The following SPRY3 variants were observed in gnomAD, a reference collection of about 807,000 sequenced individuals.
SPRY3 encodes the protein protein sprouty homolog 3.
A neutral mutation model predicts 20.2 loss-of-function variants in SPRY3; 15 were observed. The observed-to-expected ratio is 0.74, with a 90% CI of 0.50 to 1.14. The LOEUF (loss-of-function observed/expected upper bound fraction) is 1.14, where lower values mean the gene tolerates loss of function less well. Ranked by LOEUF, SPRY3 falls within the 50% of genes most tolerant of loss-of-function variation. The pLI is 0.00. For synonymous variants in SPRY3, 143 were observed against 136.5 expected (o/e 1.05, Z -0.33); for missense variants, 364 against 363.9 (o/e 1.00, Z 0.00).
chrX:155,645,782 G>A (rs910732214), intron 1 of SPRY3, among the ~76,000 whole-genome samples: 6 of 111,927 alleles, frequency 5.4e-5, no homozygotes, highest in African/African-American at 1.6e-4. Context: ...TTAAAGGCAA[G>A]TACTCTGAGT....
At chrX:155,775,280 C>A (rs2091417186) in exon 4 of SPRY3, 1 of 169,578 alleles carries the variant, frequency 5.9e-6, no homozygotes, top group South Asian at 2.0e-4. Flanking sequence ...TTCATTCTCA[C>A]CCTGTCTGCT....
chrX:155,723,547 T>G (rs2091076666), intron 2 of SPRY3, among the ~76,000 whole-genome samples: 1 of 152,238 alleles, frequency 6.6e-6, no homozygotes, highest in Non-Finnish European at 1.5e-5. Flanking sequence ...TGATGAGCAT[T>G]TTTTCATGTG....
Position 155,721,782 on chromosome X carries a change from C to T in SPRY3, c.-281-46180C>T, listed in dbSNP as rs150505615. On this transcript the variant is annotated intron_variant, in intron 2 of 3. Transcript: ENST00000675360. The stretch of plus-strand genomic sequence containing the variant: ...AAAAACTGAGGAACTTCATCAACAC[C>T]AGACCTGTCCTAGAAGAAATGCTAA... Among the ~76,000 whole-genome samples, 1,364 of 152,162 alleles carry T rather than the reference C, an allele frequency of 9.0e-3. 1 individual carries two copies. Among genetic ancestry groups the T allele is most frequent in the South Asian group, 0.049 (234 of 4,816 alleles).
At chrX:155,716,610 T>C (rs1200155859) in intron 2 of SPRY3, among the ~76,000 whole-genome samples, 1 of 152,120 alleles carries the variant, frequency 6.6e-6, no homozygotes, top group African/African-American at 2.4e-5. Flanking sequence ...TGTTTTTCTT[T>C]TTGTATTTTA....
rs779201129 is a variant in SPRY3 at position 155,773,926 on chromosome X, C to T, written c.55C>T (p.Arg19Cys). 27 of 1,613,856 alleles carry T rather than the reference C, an allele frequency of 1.7e-5. No individual in the cohort carries two copies. Among genetic ancestry groups the T allele is most frequent in the Admixed American group, 6.7e-5 (4 of 60,006 alleles). The change falls in exon 4 of 4, where the codon CGC (arginine) becomes TGC (cysteine). Residue 19 changes from arginine to cysteine, a missense_variant. By Grantham distance (180) the Arg-to-Cys change is radical. Transcript: ENST00000675360. ...ACAAATTCTGCCTATTGAACAGCTG[C>T]GCTCTACTCATGCTAGCAATGACTA... is the stretch of plus-strand genomic sequence containing the variant.
intron 2 of SPRY3, among the ~76,000 whole-genome samples, chrX:155,710,467 C>T (rs184683259): frequency 6.6e-6 from 1 of 151,354 alleles, no homozygotes; most frequent in Non-Finnish European, 1.5e-5. Flanking sequence ...AGATTGTTTG[C>T]TGTTGGAATA....
intron 2 of SPRY3, among the ~76,000 whole-genome samples, chrX:155,667,668 TAGAG>T (rs1280657740): frequency 3.2e-4 from 36 of 110,965 alleles, no homozygotes; most frequent in African/African-American, 1.1e-3. Flanking sequence ...ATACCATTAA[TAGAG>T]AGAAAAGGCA....
chrX:155,774,151 G>A (rs768526157), exon 4 of SPRY3: 7 of 1,613,976 alleles, frequency 4.3e-6, no homozygotes, highest in Non-Finnish European at 5.9e-6. Context: ...TAGCACCACT[G>A]CCTCTGATCA....
intron 1 of SPRY3, among the ~76,000 whole-genome samples, chrX:155,623,967 G>A (rs1203711876): frequency 4.5e-5 from 5 of 112,255 alleles, no homozygotes; most frequent in Admixed American, 1.9e-4. Context: ...CAGGATTAAC[G>A]TGTGAATTAA....
At chrX:155,664,219 C>T (rs1328841051) in intron 2 of SPRY3, among the ~76,000 whole-genome samples, 2 of 109,936 alleles carry the variant, frequency 1.8e-5, no homozygotes, top group Non-Finnish European at 3.8e-5. Context: ...CCTAAATGAA[C>T]GTAGAGTTAT....
At chrX:155,736,370 A>G (rs1023402740) in intron 2 of SPRY3, among the ~76,000 whole-genome samples, 73 of 151,938 alleles carry the variant, frequency 4.8e-4, no homozygotes, top group African/African-American at 1.7e-3. Context: ...TTACAAGACA[A>G]GCCTACTGGT....
intron 2 of SPRY3, among the ~76,000 whole-genome samples, chrX:155,739,626 G>T (rs2091192466): frequency 6.6e-6 from 1 of 152,164 alleles, no homozygotes; most frequent in Non-Finnish European, 1.5e-5. Flanking sequence ...TGCCATCTTT[G>T]CTGTTTTGCA....
At chrX:155,749,087 C>G (rs1288399164) in intron 2 of SPRY3, among the ~76,000 whole-genome samples, 1 of 151,848 alleles carries the variant, frequency 6.6e-6, no homozygotes, top group Non-Finnish European at 1.5e-5. Flanking sequence ...ATGCCCAATA[C>G]ATAATTAAAT....
At chrX:155,712,508 C>T (rs1202829850) in intron 2 of SPRY3, among the ~76,000 whole-genome samples, 1 of 151,868 alleles carries the variant, frequency 6.6e-6, no homozygotes, top group Non-Finnish European at 1.5e-5. Flanking sequence ...GCTACTTCTG[C>T]TCTTTTTGGT....
intron 2 of SPRY3, among the ~76,000 whole-genome samples, chrX:155,674,439 A>G (rs1007110320): frequency 9.0e-5 from 10 of 110,513 alleles, no homozygotes; most frequent in Non-Finnish European, 1.7e-4. Flanking sequence ...GTGTTGGGAA[A>G]CCTACTGCCT....
chrX:155,661,908 TTCTG>T (rs1369640958), intron 2 of SPRY3, among the ~76,000 whole-genome samples: 103 of 112,118 alleles, frequency 9.2e-4, no homozygotes, highest in African/African-American at 3.3e-3. Context: ...TAAAAAAATT[TTCTG>T]TCTCTTTAGT....
chrX:155,731,808 T>C (rs988781027), intron 2 of SPRY3, among the ~76,000 whole-genome samples: 3 of 151,998 alleles, frequency 2.0e-5, no homozygotes, highest in Non-Finnish European at 4.4e-5. Flanking sequence ...AACAACTCTA[T>C]AGGAAAAAAT....
chrX:155,705,358 A>G (rs1395380313), intron 2 of SPRY3, among the ~76,000 whole-genome samples: 1 of 151,390 alleles, frequency 6.6e-6, no homozygotes, highest in East Asian at 1.9e-4. Flanking sequence ...AAGGCACTAA[A>G]TTTTTATTTA....
intron 2 of SPRY3, among the ~76,000 whole-genome samples, chrX:155,675,726 A>G (rs1312713890): frequency 8.9e-6 from 1 of 111,775 alleles, no homozygotes; most frequent in African/African-American, 3.2e-5. Context: ...ACTTAGTGTA[A>G]CATTGTGCCA....
Sources: allele counts gnomAD v4.1 joint callset (sites outside exome capture counted in the v4.1 genomes callset), GRCh38; gene constraint gnomAD v4.1.1; transcripts MANE v1.5; gene names NCBI Gene and HGNC (gene_info 2026-07-23, HGNC 2026-07-21).